The following STRADA variants were observed in gnomAD, a reference collection of about 807,000 sequenced individuals.
STRADA encodes the protein STE20-related kinase adapter protein alpha.
A neutral mutation model predicts 55.0 loss-of-function variants in STRADA; 26 were observed. That is an observed-to-expected ratio of 0.47 (90% confidence interval 0.35 to 0.66). The LOEUF (loss-of-function observed/expected upper bound fraction) is 0.66, where lower values mean the gene tolerates loss of function less well. STRADA is among the 30% of genes least tolerant of loss of function. The pLI is 0.01. For synonymous variants in STRADA, 197 were observed against 210.9 expected (o/e 0.93, Z 0.57); for missense variants, 443 against 549.7 (o/e 0.81, Z 1.94).
At chr17:63,714,604 A>C in intron 4 of STRADA, 1 of 201,904 alleles carries the variant, frequency 5.0e-6, no homozygotes, top group Non-Finnish European at 1.0e-5. Flanking sequence ...TCTTTAGCAA[A>C]CCAAGAGCCC....
rs779960487 is a variant in STRADA, at chr17:63,713,431, G to C, written c.323C>G (p.Ser108Cys). The C allele has an allele frequency of 6.2e-7, 1 of 1,613,992 alleles. No homozygotes were observed. The highest frequency in any genetic ancestry group is 8.5e-7 in the Non-Finnish European group (1 of 1,179,972). The change falls in exon 6 of 13, where the codon TCC (serine) becomes TGC (cysteine). Residue 108 changes from serine (S) to cysteine (C), a missense_variant. Transcript: ENST00000336174. ...CTGCAAGAATGTTACCATCTCATTG[G>C]AACAAGCTTCTAGGTTAATCCTCCG... is the stretch of plus-strand genomic sequence containing the variant. ...TVRRINLEAC[S>C]NEMVTFLQGE...
chr17:63,719,902 T>A (rs1187042403), intron 4 of STRADA, among the ~76,000 whole-genome samples: 8 of 152,214 alleles, frequency 5.3e-5, no homozygotes, highest in Non-Finnish European at 1.2e-4. Flanking sequence ...AGGTAGGGAA[T>A]GATTCATTAA....
chr17:63,739,713 TAA>T (rs1382202103), intron 1 of STRADA, among the ~76,000 whole-genome samples: 2 of 148,494 alleles, frequency 1.3e-5, no homozygotes, highest in Non-Finnish European at 3.0e-5. Flanking sequence ...TATACATATA[TAA>T]TTTTATGTGT....
intron 4 of STRADA, among the ~76,000 whole-genome samples, chr17:63,718,505 T>C (rs977788792): frequency 6.6e-6 from 1 of 152,222 alleles, no homozygotes; most frequent in African/African-American, 2.4e-5. Context: ...TTCTGTTTTC[T>C]TAAGTATTAA....
At chr17:63,716,668 T>C (rs1254430048) in intron 4 of STRADA, among the ~76,000 whole-genome samples, 1 of 152,082 alleles carries the variant, frequency 6.6e-6, no homozygotes, top group Non-Finnish European at 1.5e-5. Context: ...AGTTTCCATG[T>C]CCAGTGAAGT....
intron 8 of STRADA, among the ~76,000 whole-genome samples, chr17:63,708,224 G>C (rs1190158455): frequency 1.3e-5 from 2 of 149,626 alleles, no homozygotes; most frequent in African/African-American, 5.1e-5. Context: ...TGTTGAGACA[G>C]AGTCTCACTC....
At chr17:63,735,988 C>A (rs566298426) in intron 1 of STRADA, among the ~76,000 whole-genome samples, 2 of 152,114 alleles carry the variant, frequency 1.3e-5, no homozygotes, top group African/African-American at 4.8e-5. Flanking sequence ...CCAGGCCAGG[C>A]TGGAGTGCAA....
chr17:63,719,630 C>T (rs1027186265), intron 4 of STRADA, among the ~76,000 whole-genome samples: 9 of 152,050 alleles, frequency 5.9e-5, no homozygotes, highest in Admixed American at 3.9e-4. Flanking sequence ...ATTACAGGTG[C>T]GTGCTACCAT....
At chr17:63,739,783 C>CATATATA (rs2038744271) in intron 1 of STRADA, among the ~76,000 whole-genome samples, 2 of 81,372 alleles carry the variant, frequency 2.5e-5, no homozygotes, top group African/African-American at 1.7e-4. Context: ...TACATATATA[C>CATATATA]ATATAATGTA....
At chr17:63,739,673 TATTA>T (rs1305656305) in intron 1 of STRADA, among the ~76,000 whole-genome samples, 1 of 149,408 alleles carries the variant, frequency 6.7e-6, no homozygotes, top group Non-Finnish European at 1.5e-5. Context: ...TATATGTATA[TATTA>T]TATATGTACA....
intron 11 of STRADA, 98 bp from the exon 12 acceptor site, chr17:63,704,145 T>C: frequency 6.5e-7 from 1 of 1,546,006 alleles, no homozygotes; most frequent in Non-Finnish European, 8.7e-7. Context: ...CCCCTCTCCC[T>C]CTCCCTCAGC....
chr17:63,711,962 AAC>A (rs2036528935), intron 6 of STRADA, among the ~76,000 whole-genome samples: 1 of 152,084 alleles, frequency 6.6e-6, no homozygotes, highest in Non-Finnish European at 1.5e-5. Flanking sequence ...AGAAAAAGAA[AAC>A]ACAGTTGATG....
chr17:63,729,798 C>CAA (rs769545066), intron 1 of STRADA, among the ~76,000 whole-genome samples: 1 of 85,292 alleles, frequency 1.2e-5, no homozygotes, highest in Non-Finnish European at 2.1e-5. Context: ...CAAAACAAAC[C>CAA]AAAAAAAACA....
chr17:63,713,361 C>A, intron 6 of STRADA, 45 bp downstream of exon 6: 1 of 1,599,078 alleles, frequency 6.3e-7, no homozygotes, highest in South Asian at 1.1e-5. Context: ...CTATCAGAGC[C>A]AAGAGCCCAC....
chr17:63,741,411 T>C (rs2038936871), intron 1 of STRADA: 1 of 152,278 alleles, frequency 6.6e-6, no homozygotes, highest in South Asian at 2.1e-4. Flanking sequence ...GCCGCCACTC[T>C]GCCTGAACAG....
chr17:63,729,746 G>A (rs768790398), intron 1 of STRADA, among the ~76,000 whole-genome samples: 1 of 151,132 alleles, frequency 6.6e-6, no homozygotes, highest in Non-Finnish European at 1.5e-5. Context: ...CCAAGGTCGC[G>A]CCACTGCACT....
chr17:63,733,028 C>T lies in STRADA; in HGVS notation c.-44-4615G>A, dbSNP rs565908197. 4.6e-5 allele frequency among the ~76,000 whole-genome samples: 7 copies of T among 152,228 alleles called. No individual in the cohort carries two copies. In the East Asian group the frequency reaches 1.4e-3, roughly 29 times the overall value. ...TCGGCCTCCCAAGTAGCTGGGATTA[C>T]AGGCACCCGCCACCACACCCAGCTA... On this transcript the variant is annotated intron_variant, in intron 1 of 12. Transcript: ENST00000336174.
chr17:63,715,756 C>T lies in STRADA; in HGVS notation c.124-1648G>A, dbSNP rs1195489359. 2.6e-5 allele frequency among the ~76,000 whole-genome samples: 4 copies of T among 152,192 alleles called. No individual in the cohort carries two copies. The East Asian group carries it at 5.8e-4, about 22-fold the overall frequency. ...TAAGCCCTGTCACCAAATTCCATTT[C>T]TAATTTAATCAATTTTTAAATTTCT... is the stretch of plus-strand genomic sequence containing the variant. On this transcript the variant is annotated intron_variant, in intron 4 of 12. Transcript: ENST00000336174.
At chr17:63,711,396 G>C (rs2036488237) in intron 6 of STRADA, among the ~76,000 whole-genome samples, 2 of 152,054 alleles carry the variant, frequency 1.3e-5, no homozygotes, top group African/African-American at 4.8e-5. Context: ...TGTCACCCAG[G>C]CTGGAGTGCA....
Sources: gnomAD v4.1 joint callset for allele counts (sites outside exome capture counted in the v4.1 genomes callset) on GRCh38, gnomAD v4.1.1 for gene constraint, MANE v1.5 for transcripts, NCBI Gene and HGNC (gene_info 2026-07-23, HGNC 2026-07-21) for gene names.